The following FAM20C variants were observed in gnomAD, a reference collection of about 807,000 sequenced individuals.
FAM20C encodes FAM20C golgi associated secretory pathway kinase, also known as extracellular serine/threonine protein kinase FAM20C.
A neutral mutation model predicts 51.5 loss-of-function variants in FAM20C; 40 were observed. The ratio of observed to expected loss-of-function variants is 0.78; its 90% confidence interval spans 0.60 to 1.01. The LOEUF (loss-of-function observed/expected upper bound fraction) is 1.01, where lower values mean the gene tolerates loss of function less well. Ranked by LOEUF, FAM20C falls within the 50% of genes least tolerant of loss-of-function variation. The probability of loss-of-function intolerance (pLI) is 0.00; values close to 1 mark genes in which losing one functional copy is unlikely to be tolerated. For missense variants in FAM20C, 861 were observed against 844.7 expected, an observed-to-expected ratio of 1.02 and a Z score of -0.24; for synonymous variants, 406 against 380.6, an observed-to-expected ratio of 1.07 and a Z score of -0.78.
Position 208,907 on chromosome 7 carries a change from C to A in FAM20C, c.794C>A (p.Ser265Ter). The A allele has an allele frequency of 6.3e-7, 1 of 1,575,038 alleles. No homozygotes were observed. Among genetic ancestry groups the A allele is most frequent in the South Asian group, 1.2e-5 (1 of 85,436 alleles). ...SQRITSVAMK[S>*]GGTQLKLIMT... ...TCCCTCCTTCCTGCAGCCATGAAGTCGGGGGGCACGCAGCTGAAGCTCATC... is the reference window on the plus strand; with the variant it reads ...TCCCTCCTTCCTGCAGCCATGAAGTAGGGGGGCACGCAGCTGAAGCTCATC... Residue 265 changes from serine (S) to a stop codon, truncating the protein, a stop_gained, in exon 3 of 10, where the codon TCG (serine) becomes TAG (stop). Transcript: ENST00000313766. LOFTEE classifies it high-confidence loss of function.
Position 256,679 on chromosome 7 carries a change from G to A in FAM20C, c.1279G>A (p.Glu427Lys), listed in dbSNP as rs750557992. 27 of 1,535,972 alleles carry A rather than the reference G, an allele frequency of 1.8e-5. No individual in the cohort carries two copies. The highest frequency in any genetic ancestry group is 2.7e-5 in the African/African-American group (2 of 73,058). Reference protein sequence around the residue: ...AEWEVDPDYCEEVKQTPPYDS... With the variant: ...AEWEVDPDYCKEVKQTPPYDS... ...GTGGGAGGTGGACCCTGACTACTGC[G>A]AGGAGGTGAAGCAGACACCGCCCTA... is the stretch of plus-strand genomic sequence containing the variant. Residue 427 changes from glutamate (E) to lysine (K), a missense_variant, in exon 7 of 10, where the codon GAG becomes AAG. Coordinates refer to ENST00000313766, the MANE Select transcript of FAM20C (RefSeq NM_020223.4).
At chr7:251,804 C>A (rs927747254) in intron 5 of FAM20C, among the ~76,000 whole-genome samples, 1 of 152,148 alleles carries the variant, frequency 6.6e-6, no homozygotes, top group East Asian at 1.9e-4. Flanking sequence ...TCCAGGGCAG[C>A]GCAAGTTTCT....
intron 2 of FAM20C, among the ~76,000 whole-genome samples, chr7:204,655 C>T (rs1208480292): frequency 2.0e-5 from 3 of 152,132 alleles, no homozygotes; most frequent in African/African-American, 4.8e-5. Flanking sequence ...ACGGCACTCG[C>T]GTGGCCTTTG....
intron 2 of FAM20C, among the ~76,000 whole-genome samples, chr7:199,674 A>G (rs1786040591): frequency 6.6e-6 from 1 of 152,214 alleles, no homozygotes; most frequent in African/African-American, 2.4e-5. Flanking sequence ...ACAGCTGGTT[A>G]GGGCCAGCGG....
In FAM20C at chr7:228,616, G is replaced by A. The variant is rs184263475; in HGVS notation, c.864-17799G>A. ...CAGCGTTTCCACAGAGCCGGTGTGA[G>A]CCAGGGGAATGACCTGTCCCAACAA... On this transcript the variant is annotated intron_variant, in intron 3 of 9. Transcript: ENST00000313766. The A allele has an allele frequency of 2.1e-4, 95 of 456,284 alleles. No homozygotes were observed. In the East Asian group the frequency reaches 5.7e-3, roughly 27 times the overall value. The allele number at this position is 456,284 out of a possible 1,614,324, so 28.3% of individuals were successfully genotyped here.
chr7:223,847 G>A (rs1167756531), intron 3 of FAM20C, among the ~76,000 whole-genome samples: 3 of 149,044 alleles, frequency 2.0e-5, no homozygotes, highest in Non-Finnish European at 4.4e-5. Context: ...GAGCTTTCGA[G>A]AGACTCTATG....
At chr7:198,949 G>A (rs1583277915) in intron 2 of FAM20C, among the ~76,000 whole-genome samples, 1 of 152,210 alleles carries the variant, frequency 6.6e-6, no homozygotes, top group African/African-American at 2.4e-5. Context: ...ATGCTCACAG[G>A]TGAGTTCTCA....
At chr7:194,181 G>C (rs180706514) in intron 1 of FAM20C, 13 of 215,688 alleles carry the variant, frequency 6.0e-5, no homozygotes, top group African/African-American at 2.5e-4. Context: ...TGGCGAGGGT[G>C]CTCTGGGTGG....
At chr7:240,743 C>G (rs1461018566) in intron 3 of FAM20C, among the ~76,000 whole-genome samples, 9 of 152,174 alleles carry the variant, frequency 5.9e-5, no homozygotes, top group South Asian at 2.1e-4. Context: ...GGCCCTCTCC[C>G]CTTGAGTCCA....
At chr7:218,904 C>T (rs767033252) in intron 3 of FAM20C, among the ~76,000 whole-genome samples, 2 of 150,458 alleles carry the variant, frequency 1.3e-5, no homozygotes, top group East Asian at 2.0e-4. Flanking sequence ...GGGCCCAGGA[C>T]GCACAGATCA....
At chr7:201,509 G>A (rs1437854180) in intron 2 of FAM20C, among the ~76,000 whole-genome samples, 3 of 152,152 alleles carry the variant, frequency 2.0e-5, no homozygotes, top group East Asian at 1.9e-4. Context: ...CCAGGCCCGG[G>A]CCACACACCT....
At chr7:214,064 G>A (rs1422594009) in intron 3 of FAM20C, among the ~76,000 whole-genome samples, 6 of 152,156 alleles carry the variant, frequency 3.9e-5, no homozygotes, top group South Asian at 2.1e-4. Flanking sequence ...AGTAGCTCAC[G>A]CCTGTAATCC....
At chr7:255,170 G>A (rs143726047) in intron 5 of FAM20C, among the ~76,000 whole-genome samples, 4,033 of 152,312 alleles carry the variant, frequency 0.026, 69 homozygotes, top group Middle Eastern at 0.037. Flanking sequence ...GCTGCAGACC[G>A]TTTCCGCCGT....
chr7:252,352 C>T (rs1238027494), intron 5 of FAM20C, among the ~76,000 whole-genome samples: 2 of 148,298 alleles, frequency 1.3e-5, no homozygotes, highest in African/African-American at 5.0e-5. Flanking sequence ...GAGCCGAGGG[C>T]ACATCAGAGG....
intron 2 of FAM20C, 36 bp from the exon 3 acceptor site, chr7:208,862 A>T (rs764211275): frequency 6.5e-7 from 1 of 1,548,944 alleles, no homozygotes; most frequent in Non-Finnish European, 8.7e-7. Flanking sequence ...GCGTGAGGCC[A>T]GAGAGTGACC....
intron 4 of FAM20C, 142 bp downstream of exon 4, chr7:246,649 A>G (rs1479129958): frequency 7.5e-6 from 4 of 535,618 alleles, no homozygotes; most frequent in East Asian, 3.1e-5. Context: ...CTCTCCCCCC[A>G]CCCCGAGTGC....
rs1489321945 is a variant in FAM20C at position 251,270 on chromosome 7, ACG to A, written c.1072+2842_1072+2843del. On this transcript the variant is annotated intron_variant, in intron 5 of 9. Coordinates refer to ENST00000313766, the MANE Select transcript of FAM20C (RefSeq NM_020223.4). ...TGAGTGGCCGGGCACGGTGGCTCAC[ACG>A]CCTGCAATCCCAGTACTGGGAGGAC... Among the ~76,000 whole-genome samples the A allele has an allele frequency of 5.4e-5, 3 of 55,514 alleles. 1 individual carries two copies. The East Asian group carries it at 1.2e-3, about 23-fold the overall frequency. The allele number at this position is 55,514 out of a possible 152,430, so 36.4% of individuals were successfully genotyped here.
At chr7:198,726 A>G (rs1053719109) in intron 2 of FAM20C, among the ~76,000 whole-genome samples, 5 of 152,200 alleles carry the variant, frequency 3.3e-5, no homozygotes, top group Admixed American at 3.3e-4. Flanking sequence ...GTGAGAGCGG[A>G]GCCTGACAGC....
chr7:245,460 G>C (rs959804360), intron 3 of FAM20C, among the ~76,000 whole-genome samples: 1 of 151,874 alleles, frequency 6.6e-6, no homozygotes, highest in South Asian at 2.1e-4. Flanking sequence ...AGGAAGCCTG[G>C]GTTGGAGGCT....
Sources: gnomAD v4.1 joint callset for allele counts (sites outside exome capture counted in the v4.1 genomes callset) on GRCh38, gnomAD v4.1.1 for gene constraint, MANE v1.5 for transcripts, NCBI Gene and HGNC (gene_info 2026-07-23, HGNC 2026-07-21) for gene names.